SCARB2: variants seen among roughly 807,000 people sequenced by gnomAD.
SCARB2 encodes the protein lysosome membrane protein 2.
A neutral mutation model predicts 58.6 loss-of-function variants in SCARB2; 29 were observed. That is an observed-to-expected ratio of 0.49 (90% confidence interval 0.37 to 0.67). The LOEUF (loss-of-function observed/expected upper bound fraction) is 0.67. Ranked by LOEUF, SCARB2 falls within the 30% of genes least tolerant of loss-of-function variation. SCARB2 has a pLI of 0.00. For missense variants in SCARB2, 488 were observed against 578.5 expected (o/e 0.84, Z 1.60); for synonymous variants, 195 against 210.1 (o/e 0.93, Z 0.62).
intron 2 of SCARB2, among the ~76,000 whole-genome samples, chr4:76,191,031 A>T (rs2109957146): frequency 6.6e-6 from 1 of 152,334 alleles, no homozygotes; most frequent in South Asian, 2.1e-4. Flanking sequence ...ACTATTTTGG[A>T]TAGTTTGCAG....
chr4:76,214,057 G>A (rs1227314884), upstream of SCARB2: 2 of 341,246 alleles, frequency 5.9e-6, no homozygotes, highest in Non-Finnish European at 1.2e-5. Flanking sequence ...TGCACCGCAG[G>A]CCCAGCGCTC....
At position 76,175,851 on chromosome 4, in the gene SCARB2, G is replaced by T; in HGVS notation, c.764C>A (p.Ser255Tyr). The change falls in exon 6 of 12, where the codon TCT (serine) becomes TAT (tyrosine). Residue 255 changes from serine (S) to tyrosine (Y), a missense_variant. Physicochemically the swap from Ser to Tyr is moderately radical, Grantham distance 144. Coordinates refer to ENST00000264896, the MANE Select transcript of SCARB2 (RefSeq NM_005506.4). Reference sequence around the variant, plus strand: ...ATCTTTGGTTATTAGTGGGTGAAAAGAATCTCCATCTGTTCCATTAATCAT... The same window carrying T: ...ATCTTTGGTTATTAGTGGGTGAAAATAATCTCCATCTGTTCCATTAATCAT... ...CNMINGTDGDSFHPLITKDEV... is the reference protein window; with the variant it reads ...CNMINGTDGDYFHPLITKDEV... The T allele has an allele frequency of 6.2e-7, 1 of 1,614,006 alleles. No individual in the cohort carries two copies. Among genetic ancestry groups the T allele is most frequent in the East Asian group, 2.2e-5 (1 of 44,866 alleles).
chr4:76,181,568 C>A (rs575436040), intron 2 of SCARB2, among the ~76,000 whole-genome samples: 2 of 152,084 alleles, frequency 1.3e-5, no homozygotes, highest in South Asian at 4.2e-4. Context: ...GGAGTTCACT[C>A]CTGTTTCTTT....
chr4:76,168,126 C>G (rs1732053477), intron 9 of SCARB2, among the ~76,000 whole-genome samples: 1 of 152,218 alleles, frequency 6.6e-6, no homozygotes, highest in Admixed American at 6.5e-5. Context: ...GTTTCCTCAT[C>G]TGTAAAATGG....
At chr4:76,209,160 G>C (rs1374935847) in intron 1 of SCARB2, among the ~76,000 whole-genome samples, 1 of 152,242 alleles carries the variant, frequency 6.6e-6, no homozygotes, top group South Asian at 2.1e-4. Context: ...AAAAATCTCA[G>C]ACTAAGATAA....
intron 1 of SCARB2, among the ~76,000 whole-genome samples, chr4:76,201,975 C>T (rs1732836951): frequency 6.6e-6 from 1 of 152,184 alleles, no homozygotes; most frequent in Non-Finnish European, 1.5e-5. Flanking sequence ...TAATGGTAGA[C>T]AAGATCTCCT....
At chr4:76,196,816 CCT>C (rs796239266) in intron 1 of SCARB2, among the ~76,000 whole-genome samples, 15 of 152,320 alleles carry the variant, frequency 9.8e-5, no homozygotes, top group African/African-American at 1.9e-4. Context: ...ACTTTCCACC[CCT>C]GTTCTGTGTT....
rs557392749 is a variant in SCARB2, at chr4:76,179,614, G to A, written c.515C>T (p.Thr172Ile). 74 of 1,613,918 alleles carry A rather than the reference G, an allele frequency of 4.6e-5. No individual in the cohort carries two copies. In the East Asian group the frequency reaches 1.6e-3, roughly 35 times the overall value. The change falls in exon 4 of 12, where the codon ACA (threonine) becomes ATA (isoleucine). Residue 172 changes from threonine (T) to isoleucine (I), a missense_variant. Transcript: ENST00000264896. ...GTAGCCCCAGAGCAATTCGTCAACT[G>A]TGTGAGTCACAAAGAGCTTCTGCTG... ...AYQQKLFVTH[T>I]VDELLWGYKD...
intron 1 of SCARB2, among the ~76,000 whole-genome samples, chr4:76,199,498 G>A (rs925944970): frequency 9.2e-5 from 14 of 152,260 alleles, no homozygotes; most frequent in Admixed American, 6.5e-5. Context: ...GTGCATCAGA[G>A]AGATAAATAT....
intron 8 of SCARB2, 28 bp downstream of exon 8, chr4:76,169,839 C>T (rs1732092234): frequency 6.5e-7 from 1 of 1,528,782 alleles, no homozygotes; most frequent in South Asian, 1.1e-5. Flanking sequence ...AACATATGCT[C>T]TTTTACCAGG....
At chr4:76,227,294 T>A (rs1355180179) in intron 1 of SCARB2, among the ~76,000 whole-genome samples, 12 of 152,218 alleles carry the variant, frequency 7.9e-5, no homozygotes, top group African/African-American at 2.7e-4. Flanking sequence ...GATCATTTAA[T>A]GTCCAAAGAT....
Position 76,174,292 on chromosome 4 carries a change from A to C in SCARB2, c.846T>G (p.Ser282Arg). ...GCAGTCCCTGTACACTCTCATAGTCACTGAAAGTAATATACACTGACCTGT... is the reference window on the plus strand; with the variant it reads ...GCAGTCCCTGTACACTCTCATAGTCCCTGAAAGTAATATACACTGACCTGT... ...DFCRSVYITF[S>R]DYESVQGLPA... The change falls in exon 7 of 12, where the codon AGT becomes AGG. Residue 282 changes from serine (S) to arginine (R), a missense_variant. By Grantham distance (110) the Ser-to-Arg change is moderately radical (BLOSUM62 -1). Transcript: ENST00000264896. 1 of 1,614,180 alleles carries C rather than the reference A, an allele frequency of 6.2e-7. No homozygotes were observed. Among genetic ancestry groups the C allele is most frequent in the Non-Finnish European group, 8.5e-7 (1 of 1,179,980 alleles).
intron 11 of SCARB2, 61 bp from the exon 12 acceptor site, chr4:76,161,812 G>T (rs1163014738): frequency 1.9e-6 from 3 of 1,577,012 alleles, no homozygotes; most frequent in Non-Finnish European, 2.6e-6. Flanking sequence ...TCCCCAGTGT[G>T]AAAAGTTTGG....
chr4:76,204,039 C>T (rs755240773), intron 1 of SCARB2, among the ~76,000 whole-genome samples: 1 of 152,162 alleles, frequency 6.6e-6, no homozygotes, highest in Non-Finnish European at 1.5e-5. Flanking sequence ...TAAATTCATC[C>T]AGAGATAATG....
intron 1 of SCARB2, among the ~76,000 whole-genome samples, chr4:76,232,263 A>C (rs773407903): frequency 3.9e-5 from 6 of 152,238 alleles, no homozygotes; most frequent in Non-Finnish European, 1.5e-5. Flanking sequence ...CAGTCCATTT[A>C]GTTAATTCTT....
At position 76,179,661 on chromosome 4, in the gene SCARB2, G is replaced by A. The variant is rs771468161; in HGVS notation, c.468C>T (p.Ile156=). 79 of 1,614,040 alleles carry A rather than the reference G, an allele frequency of 4.9e-5. 2 individuals are homozygous for A. The highest frequency in any genetic ancestry group is 4.2e-4 in the South Asian group (38 of 91,080). The part of the protein sequence containing the change: ...WSQVHFLREI[I]EAMLKAYQQK... ...GCTGATAGGCTTTCAACATGGCCTCGATGATCTCCCTGAGGAAGTGCACCT... is the reference window on the plus strand; with the variant it reads ...GCTGATAGGCTTTCAACATGGCCTCAATGATCTCCCTGAGGAAGTGCACCT... Residue 156 remains isoleucine (I), a synonymous_variant, in exon 4 of 12, where the codon ATC becomes ATT. Transcript: ENST00000264896.
intron 1 of SCARB2, among the ~76,000 whole-genome samples, chr4:76,200,411 T>C (rs80204251): frequency 0.024 from 3,611 of 152,296 alleles, 126 homozygotes; most frequent in African/African-American, 0.082. Flanking sequence ...TAAAACAAAA[T>C]ACTGGAAAAT....
intron 1 of SCARB2, among the ~76,000 whole-genome samples, chr4:76,222,982 C>A (rs759465518): frequency 3.6e-4 from 55 of 152,180 alleles, no homozygotes; most frequent in Non-Finnish European, 6.5e-4. Flanking sequence ...TGTAAGAATT[C>A]TCTGGCAGGA....
At chr4:76,175,727 C>A in intron 6 of SCARB2, 64 bp downstream of exon 6, 2 of 1,586,642 alleles carry the variant, frequency 1.3e-6, no homozygotes, top group Non-Finnish European at 1.7e-6. Flanking sequence ...ATTCCTCATG[C>A]TTTTGGTGGT....
Sources: gnomAD v4.1 joint callset for allele counts (sites outside exome capture counted in the v4.1 genomes callset) on GRCh38, gnomAD v4.1.1 for gene constraint, MANE v1.5 for transcripts, NCBI Gene and HGNC (gene_info 2026-07-23, HGNC 2026-07-21) for gene names.